The following SLC7A5 variants were observed in gnomAD, a reference collection of about 807,000 sequenced individuals.
The protein encoded by SLC7A5 is large neutral amino acids transporter small subunit 1.
SLC7A5 carries 23 observed loss-of-function variants against 50.2 expected under a neutral mutation model. The ratio of observed to expected loss-of-function variants is 0.46; its 90% CI spans 0.33 to 0.65. The LOEUF (loss-of-function observed/expected upper bound fraction) is 0.65, where lower values mean the gene tolerates loss of function less well. Ranked by LOEUF, SLC7A5 falls within the 30% of genes least tolerant of loss-of-function variation. SLC7A5 has a pLI of 0.02. For missense variants in SLC7A5, 578 were observed against 684.4 expected (o/e 0.84, Z 1.73); for synonymous variants, 393 against 330.6 (o/e 1.19, Z -2.05).
chr16:87,851,349 G>A (rs1305310883), intron 2 of SLC7A5, among the ~76,000 whole-genome samples: 5 of 152,250 alleles, frequency 3.3e-5, no homozygotes, highest in African/African-American at 1.2e-4. Flanking sequence ...CAGACCCAGG[G>A]TGAGATGGCT....
chr16:87,837,797 C>G, intron 7 of SLC7A5, 48 bp downstream of exon 7: 7 of 1,497,946 alleles, frequency 4.7e-6, no homozygotes, highest in Non-Finnish European at 6.4e-6. Flanking sequence ...TGGGAGCCCC[C>G]GGACAACCCC....
Position 87,839,721 on chromosome 16 carries a change from G to A in SLC7A5, c.920C>T (p.Ser307Leu), listed in dbSNP as rs202090522. ...GCTCACCACGGCCACGGCCTCGGAC[G>A]ACAGCATCTGCTCGGTGGACAGGGT... The part of the protein sequence containing the change: ...FTTLSTEQML[S>L]SEAVAVDFGN... Residue 307 changes from serine (S) to leucine (L), a missense_variant, in exon 5 of 10, where the codon TCG becomes TTG. By Grantham distance (145) the Ser-to-Leu change is moderately radical (BLOSUM62 -2). Transcript: ENST00000261622. The A allele has an allele frequency of 6.8e-5, 109 of 1,613,604 alleles. No homozygotes were observed. Among genetic ancestry groups the A allele is most frequent in the Middle Eastern group, 3.3e-4 (2 of 6,062 alleles).
chr16:87,856,201 C>A (rs532168145), intron 1 of SLC7A5, among the ~76,000 whole-genome samples: 1 of 152,240 alleles, frequency 6.6e-6, no homozygotes, highest in African/African-American at 2.4e-5. Context: ...AGGACTGCCT[C>A]CAGGAGTCAT....
chr16:87,841,475 C>T lies in SLC7A5; in HGVS notation c.665-320G>A, dbSNP rs1235865167. Among the ~76,000 whole-genome samples, 1 of 152,198 alleles carries T rather than the reference C, an allele frequency of 6.6e-6. No individual in the cohort carries two copies. The highest frequency in any genetic ancestry group is 2.4e-5 in the African/African-American group (1 of 41,456). ...GGAGGGGTCAACCAGCCCCAGTTGCCTTCAAGAAGGTTCCCTGAGACCTCA... is the reference window on the plus strand; with the variant it reads ...GGAGGGGTCAACCAGCCCCAGTTGCTTTCAAGAAGGTTCCCTGAGACCTCA... On this transcript the variant is annotated intron_variant, in intron 2 of 9. Transcript: ENST00000261622. This position sits in a 1 kb window ranked among gnomAD's most constrained non-coding sequence, Gnocchi z 4.8.
chr16:87,844,902 C>T (rs573001100), intron 2 of SLC7A5, among the ~76,000 whole-genome samples: 17 of 152,374 alleles, frequency 1.1e-4, no homozygotes, highest in Middle Eastern at 3.4e-3. Flanking sequence ...ATGCGGTCTC[C>T]GCAGGTGCAA....
chr16:87,844,470 G>C (rs4843715), intron 2 of SLC7A5, among the ~76,000 whole-genome samples: 1 of 151,906 alleles, frequency 6.6e-6, no homozygotes, highest in Non-Finnish European at 1.5e-5. Context: ...AGACTCCGCC[G>C]GTGGCTAAAG....
Position 87,836,654 on chromosome 16 carries a change from G to C in SLC7A5, c.1141-7C>G, listed in dbSNP as rs759953380. 6.2e-7 allele frequency: 1 copy of C among 1,611,262 alleles called. No individual in the cohort carries two copies. The highest frequency in any genetic ancestry group is 8.5e-7 in the Non-Finnish European group (1 of 1,179,960). ...AGAGCAGCGTCATCACACACTGGAA[G>C]AGAGAGGCGGCTGGCTGAGCCCTGG... On this transcript the variant is annotated splice_region_variant and splice_polypyrimidine_tract_variant and intron_variant, in intron 7 of 9. Coordinates refer to ENST00000261622, the MANE Select transcript of SLC7A5 (RefSeq NM_003486.7).
intron 8 of SLC7A5, among the ~76,000 whole-genome samples, chr16:87,835,758 G>A (rs571645035): frequency 5.1e-4 from 77 of 152,322 alleles, no homozygotes; most frequent in African/African-American, 8.2e-4. Flanking sequence ...ACAGGCGTGA[G>A]CCACCGCGCC....
At chr16:87,868,382 T>C (rs1306367911) in intron 1 of SLC7A5, among the ~76,000 whole-genome samples, 1 of 152,200 alleles carries the variant, frequency 6.6e-6, no homozygotes, top group Non-Finnish European at 1.5e-5. Flanking sequence ...CACGATGTTA[T>C]TACTACTGTT....
chr16:87,840,607 G>A, intron 3 of SLC7A5, 134 bp from the exon 4 acceptor site: 1 of 761,546 alleles, frequency 1.3e-6, no homozygotes, highest in South Asian at 1.4e-5. Flanking sequence ...AAGCGGACCT[G>A]GAGTGGGAGG....
At chr16:87,854,004 G>GACGT (rs985214084) in intron 1 of SLC7A5, 8 of 152,250 alleles carry the variant, frequency 5.3e-5, no homozygotes, top group Non-Finnish European at 1.2e-4. Context: ...CTGCCACACT[G>GACGT]ACGTGGTGCT....
intron 2 of SLC7A5, among the ~76,000 whole-genome samples, chr16:87,850,006 C>A (rs1000878779): frequency 1.3e-5 from 2 of 152,244 alleles, no homozygotes; most frequent in East Asian, 3.8e-4. Context: ...CTGGCCCCAG[C>A]CCCTGGAGCT....
At chr16:87,845,026 C>G (rs2055132900) in intron 2 of SLC7A5, among the ~76,000 whole-genome samples, 1 of 152,148 alleles carries the variant, frequency 6.6e-6, no homozygotes, top group South Asian at 2.1e-4. Context: ...CCAGAGCCAG[C>G]CCAGGATGCC....
chr16:87,833,098 G>A lies in SLC7A5; in HGVS notation c.1469-73C>T, dbSNP rs2054953317. On this transcript the variant is annotated intron_variant, in intron 9 of 9. Coordinates refer to ENST00000261622, the MANE Select transcript of SLC7A5 (RefSeq NM_003486.7). This position sits in a 1 kb window ranked among gnomAD's most constrained non-coding sequence, Gnocchi z 6.0. ...CCCGTGGGACACGGGGGCGTGAGCTGGGGCTCCCCCAGCCCTGCTGTCACC... is the reference window on the plus strand; with the variant it reads ...CCCGTGGGACACGGGGGCGTGAGCTAGGGCTCCCCCAGCCCTGCTGTCACC... The A allele has an allele frequency of 7.7e-7, 1 of 1,296,092 alleles. No homozygotes were observed. Among genetic ancestry groups the A allele is most frequent in the Non-Finnish European group, 1.1e-6 (1 of 891,620 alleles). The allele number at this position is 1,296,092 out of a possible 1,614,324, so 80.3% of individuals were successfully genotyped here. A position where few individuals can be genotyped will look rare whatever the true frequency, so the allele number is the denominator to read the frequency against.
At chr16:87,834,691 G>A (rs1039865763) in intron 8 of SLC7A5, 100 bp from the exon 9 acceptor site, 3 of 1,248,108 alleles carry the variant, frequency 2.4e-6, no homozygotes, top group Admixed American at 4.0e-5. Flanking sequence ...CACACCCACG[G>A]CTGCTGACTT....
intron 1 of SLC7A5, 102 bp downstream of exon 1, chr16:87,868,783 C>T: frequency 1.6e-6 from 2 of 1,229,084 alleles, no homozygotes; most frequent in Non-Finnish European, 2.3e-6. Flanking sequence ...GGTCCAGGAA[C>T]GTAAAGATGT....
intron 1 of SLC7A5, among the ~76,000 whole-genome samples, chr16:87,867,896 A>C (rs996574412): frequency 1.3e-5 from 2 of 152,146 alleles, no homozygotes; most frequent in African/African-American, 4.8e-5. Context: ...CGGGCGGATC[A>C]CAAGGTCAGG....
rs539837933 is a variant in SLC7A5 at position 87,852,885 on chromosome 16, G to A, written c.539-1036C>T. Reference sequence around the variant, plus strand: ...ATTAATCCCGAGGCACTGACTCCACGACACCCCTCACTGCCTGCTGCACTA... The same window carrying A: ...ATTAATCCCGAGGCACTGACTCCACAACACCCCTCACTGCCTGCTGCACTA... On this transcript the variant is annotated intron_variant, in intron 1 of 9. Coordinates refer to ENST00000261622, the MANE Select transcript of SLC7A5 (RefSeq NM_003486.7). The surrounding 1 kb of genome is among the most constrained non-coding windows in gnomAD (Gnocchi z 4.5). 6.6e-6 allele frequency among the ~76,000 whole-genome samples: 1 copy of A among 152,152 alleles called. No individual in the cohort carries two copies. The highest frequency in any genetic ancestry group is 6.5e-5 in the Admixed American group (1 of 15,282).
chr16:87,857,227 T>A (rs1297767620), intron 1 of SLC7A5, among the ~76,000 whole-genome samples: 3 of 78,566 alleles, frequency 3.8e-5, no homozygotes, highest in Non-Finnish European at 7.5e-5. Flanking sequence ...GCGTTCACAT[T>A]TTTTTTTTTT....
Sources: gnomAD v4.1 joint callset for allele counts (sites outside exome capture counted in the v4.1 genomes callset) on GRCh38, gnomAD v4.1.1 for gene constraint, Gnocchi (gnomAD v3.1) non-coding constraint, MANE v1.5 for transcripts, NCBI Gene and HGNC (gene_info 2026-07-23, HGNC 2026-07-21) for gene names.